The following LPP variants were observed in gnomAD, a reference collection of about 807,000 sequenced individuals.
The protein encoded by LPP is LIM domain containing preferred translocation partner in lipoma.
Under a neutral mutation model 60.4 loss-of-function variants are expected in LPP, and 38 were observed. The observed-to-expected ratio is 0.63, with a 90% CI of 0.49 to 0.83. The LOEUF (loss-of-function observed/expected upper bound fraction) is 0.83, where lower values mean the gene tolerates loss of function less well. LPP is among the 40% of genes least tolerant of loss of function. The pLI, the probability that LPP is intolerant of heterozygous loss-of-function variation, is 0.00. For missense variants in LPP, 902 were observed against 783.6 expected (o/e 1.15, Z -1.80); for synonymous variants, 328 against 290.8 (o/e 1.13, Z -1.30).
chr3:188,389,775 CAA>C (rs56304365), intron 3 of LPP, among the ~76,000 whole-genome samples: 1 of 85,346 alleles, frequency 1.2e-5, no homozygotes, highest in African/African-American at 5.2e-5. Flanking sequence ...GACTCCGTCT[CAA>C]AAAAAAAAAA....
At chr3:188,696,259 A>G (rs1371822454) in intron 7 of LPP, among the ~76,000 whole-genome samples, 1 of 145,002 alleles carries the variant, frequency 6.9e-6, no homozygotes, top group South Asian at 2.2e-4. Flanking sequence ...CTTAATCTGT[A>G]TCATCCATTG....
At chr3:188,276,052 A>C (rs1300076018) in intron 2 of LPP, among the ~76,000 whole-genome samples, 2 of 152,218 alleles carry the variant, frequency 1.3e-5, no homozygotes, top group Admixed American at 6.5e-5. Flanking sequence ...GACTGAACAG[A>C]AGTGTGACTT....
At chr3:188,433,920 C>A (rs899171659) in intron 4 of LPP, among the ~76,000 whole-genome samples, 6 of 152,016 alleles carry the variant, frequency 3.9e-5, no homozygotes, top group African/African-American at 1.4e-4. Context: ...ACAAAAGAAA[C>A]CCTGTCTCCT....
intron 7 of LPP, among the ~76,000 whole-genome samples, chr3:188,691,618 T>C (rs1340623884): frequency 6.6e-6 from 1 of 152,182 alleles, no homozygotes; most frequent in Non-Finnish European, 1.5e-5. Flanking sequence ...CATTAGAAGA[T>C]TGAAGATGAT....
intron 4 of LPP, among the ~76,000 whole-genome samples, chr3:188,469,542 CA>C (rs1801284383): frequency 6.6e-6 from 1 of 152,140 alleles, no homozygotes; most frequent in Admixed American, 6.6e-5. Context: ...ATCAGTTGCA[CA>C]AGGGCTTGAT....
intron 2 of LPP, among the ~76,000 whole-genome samples, chr3:188,283,963 C>T (rs1178202737): frequency 7.9e-5 from 12 of 151,536 alleles, no homozygotes; most frequent in South Asian, 2.1e-4. Context: ...GGTGACAGAG[C>T]GAGACTCCAT....
At chr3:188,420,094 C>T (rs998392107) in intron 4 of LPP, among the ~76,000 whole-genome samples, 5 of 151,672 alleles carry the variant, frequency 3.3e-5, no homozygotes, top group African/African-American at 1.2e-4. Flanking sequence ...TTAAAAAATT[C>T]TGATTATAAA....
At position 188,484,595 on chromosome 3, in the gene LPP, A is replaced by AT. The variant is rs1805783608; in HGVS notation, c.201dup (p.Leu68SerfsTer10). ...GTTGTTTACTTCTTTTCTGTAGGTG[A>AT]TTTTCTTCCACCCCCACCTCCACCT... On this transcript the variant is annotated frameshift_variant, in exon 5 of 12. Coordinates refer to ENST00000617246, the MANE Select transcript of LPP (RefSeq NM_001375462.1). LOFTEE classifies it high-confidence loss of function. 1 of 1,609,198 alleles carries AT rather than the reference A, an allele frequency of 6.2e-7. No individual in the cohort carries two copies. The highest frequency in any genetic ancestry group is 8.5e-7 in the Non-Finnish European group (1 of 1,176,070).
rs1769872835 is a variant in LPP at position 188,880,764 on chromosome 3, C to T, written c.*6285C>T. On this transcript the variant is annotated 3_prime_UTR_variant, in exon 12 of 12. Transcript: ENST00000617246. ...CTTCTAAAATCAGTTCTCTACCCTACGAATGGAATGTTCTACCAAGAAAGA... is the reference window on the plus strand; with the variant it reads ...CTTCTAAAATCAGTTCTCTACCCTATGAATGGAATGTTCTACCAAGAAAGA... 1 of 182,906 alleles carries T rather than the reference C, an allele frequency of 5.5e-6. No individual in the cohort carries two copies. The highest frequency in any genetic ancestry group is 1.2e-5 in the Non-Finnish European group (1 of 85,804). The allele number at this position is 182,906 out of a possible 1,614,324, so 11.3% of individuals were successfully genotyped here.
At chr3:188,546,371 T>C (rs1023814471) in intron 6 of LPP, among the ~76,000 whole-genome samples, 1 of 151,998 alleles carries the variant, frequency 6.6e-6, no homozygotes, top group African/African-American at 2.4e-5. Context: ...TTAGAGAAAG[T>C]GGGTAGATAA....
intron 4 of LPP, among the ~76,000 whole-genome samples, chr3:188,422,935 G>A (rs1185340910): frequency 6.6e-6 from 1 of 151,340 alleles, no homozygotes; most frequent in Non-Finnish European, 1.5e-5. Flanking sequence ...GTGTGTGTGT[G>A]TGTGTGTGTG....
chr3:188,590,432 G>C (rs1476384701), intron 6 of LPP, among the ~76,000 whole-genome samples: 1 of 151,906 alleles, frequency 6.6e-6, no homozygotes, highest in Non-Finnish European at 1.5e-5. Context: ...AAATTAGCCG[G>C]GCATAGTGGC....
chr3:188,443,535 C>T (rs373114880), intron 4 of LPP, among the ~76,000 whole-genome samples: 1 of 152,182 alleles, frequency 6.6e-6, no homozygotes, highest in South Asian at 2.1e-4. Flanking sequence ...GTTGTAGGTA[C>T]TTAACAAACA....
At chr3:188,774,881 A>G (rs1334881426) in intron 9 of LPP, among the ~76,000 whole-genome samples, 4 of 152,116 alleles carry the variant, frequency 2.6e-5, no homozygotes. Context: ...TACACATACT[A>G]TCACTTTGGG....
chr3:188,539,268 A>G (rs1046341338), intron 6 of LPP, among the ~76,000 whole-genome samples: 6 of 152,160 alleles, frequency 3.9e-5, no homozygotes, highest in Non-Finnish European at 8.8e-5. Context: ...TAAGCTTACA[A>G]TCTCTTGGGG....
chr3:188,304,518 T>A lies in LPP; in HGVS notation c.-66-37145T>A, dbSNP rs78271970. ...TTACATACTTTCTCTCCCCTTTAAA[T>A]CTCACAGCTTTTTGCTCATATACCT... On this transcript the variant is annotated intron_variant, in intron 2 of 11. Transcript: ENST00000617246. Among the ~76,000 whole-genome samples, 748 of 152,294 alleles carry A rather than the reference T, an allele frequency of 4.9e-3. 41 individuals are homozygous for A. In the East Asian group the frequency reaches 0.11, roughly 22 times the overall value.
intron 2 of LPP, among the ~76,000 whole-genome samples, chr3:188,305,150 T>C (rs927380498): frequency 6.6e-6 from 1 of 152,184 alleles, no homozygotes; most frequent in Non-Finnish European, 1.5e-5. Context: ...GAAGTCAATG[T>C]ACTTAAAAAA....
At chr3:188,240,189 G>C (rs560204603) in intron 2 of LPP, 1 of 181,554 alleles carries the variant, frequency 5.5e-6, no homozygotes, top group African/African-American at 2.4e-5. Context: ...AATGATATCT[G>C]TGTGTTTCAT....
At chr3:188,279,788 A>G (rs1741287831) in intron 2 of LPP, among the ~76,000 whole-genome samples, 1 of 152,226 alleles carries the variant, frequency 6.6e-6, no homozygotes, top group South Asian at 2.1e-4. Flanking sequence ...GGAAAAGTCT[A>G]GTTGTCCTGG....
Sources: allele counts gnomAD v4.1 joint callset (sites outside exome capture counted in the v4.1 genomes callset), GRCh38; gene constraint gnomAD v4.1.1; transcripts MANE v1.5; gene names NCBI Gene and HGNC (gene_info 2026-07-23, HGNC 2026-07-21).